The following SETDB1 variants were observed in gnomAD, a reference collection of about 807,000 sequenced individuals.
SETDB1 encodes the protein SET domain bifurcated histone lysine methyltransferase 1.
In SETDB1, 31 loss-of-function variants were observed where a neutral mutation model predicts 137.4. That is an observed-to-expected ratio of 0.23 (90% CI 0.17 to 0.30). SETDB1 has a LOEUF of 0.30. SETDB1 is among the 10% of genes least tolerant of loss of function. The probability of loss-of-function intolerance (pLI) is 1.00; values close to 1 mark genes in which losing one functional copy is unlikely to be tolerated. For synonymous variants in SETDB1, 548 were observed against 579.9 expected, an observed-to-expected ratio of 0.95 and a Z score of 0.79; for missense variants, 1,113 against 1,631.5, an observed-to-expected ratio of 0.68 and a Z score of 5.47.
chr1:150,933,743 ATTTTTCTTTTTC>A (rs538993878), intron 3 of SETDB1, among the ~76,000 whole-genome samples: 69,249 of 100,130 alleles, frequency 0.69, 26,987 homozygotes, highest in South Asian at 0.78. Flanking sequence ...CATTCTTCTG[ATTTTTCTTTTTC>A]TTTTTCTTTT....
At chr1:150,927,222 C>T (rs1391952688) in intron 1 of SETDB1, among the ~76,000 whole-genome samples, 1 of 152,172 alleles carries the variant, frequency 6.6e-6, no homozygotes, top group African/African-American at 2.4e-5. Context: ...TACTCCTGGG[C>T]TCAAGCGATC....
rs745471813 is a variant in SETDB1 at position 150,960,642 on chromosome 1, C to T, written c.2583C>T (p.Ile861=). Residue 861 remains isoleucine (I), a synonymous_variant, in exon 16 of 22, where the codon ATC becomes ATT. Transcript: ENST00000692827. The part of the protein sequence containing the change: ...GDEYFANLDH[I]ESVENFKEGY... The stretch of plus-strand genomic sequence containing the variant: ...AGTACTTTGCAAATCTGGACCATAT[C>T]GAGAGCGTGGAGAACTTCAAAGAAG... 4 of 1,613,914 alleles carry T rather than the reference C, an allele frequency of 2.5e-6. No homozygotes were observed. The highest frequency in any genetic ancestry group is 2.2e-5 in the East Asian group (1 of 44,878).
At chr1:150,964,175 CATATT>C in intron 21 of SETDB1, 67 bp from the exon 22 acceptor site, 1 of 1,522,118 alleles carries the variant, frequency 6.6e-7, no homozygotes, top group South Asian at 1.1e-5. Context: ...ACTCCACCTA[CATATT>C]CAGTAACCCC....
chr1:150,942,817 G>A (rs747192502), intron 6 of SETDB1, 35 bp from the exon 7 acceptor site: 1 of 1,604,504 alleles, frequency 6.2e-7, no homozygotes, highest in Non-Finnish European at 8.5e-7. Flanking sequence ...GAAACTGGCA[G>A]TGTTTAAAAA....
intron 16 of SETDB1, chr1:150,961,870 T>C: frequency 1.8e-6 from 1 of 548,926 alleles, no homozygotes; most frequent in East Asian, 2.8e-5. Context: ...TTACAGATGG[T>C]GAAACTGTCC....
intron 10 of SETDB1, among the ~76,000 whole-genome samples, chr1:150,947,872 A>G (rs1670375855): frequency 6.6e-6 from 1 of 152,118 alleles, no homozygotes; most frequent in Non-Finnish European, 1.5e-5. Flanking sequence ...TAAAGAATAT[A>G]TTTCTGAAAA....
At chr1:150,942,066 G>C (rs1450378775) in intron 5 of SETDB1, among the ~76,000 whole-genome samples, 4 of 151,032 alleles carry the variant, frequency 2.6e-5, no homozygotes, top group African/African-American at 7.3e-5. Context: ...CTTGAACCCG[G>C]AAGGTGAAGG....
chr1:150,933,368 C>CTTTTTTTTTTTTTTTTTTTTTTT (rs71090112), intron 3 of SETDB1, among the ~76,000 whole-genome samples: 3 of 118,886 alleles, frequency 2.5e-5, no homozygotes, highest in African/African-American at 9.5e-5. Context: ...CCTATTTTGT[C>CTTTTTTTTTTTTTTTTTTTTTTT]TTTTTTTTTT....
chr1:150,947,952 C>T lies in SETDB1; in HGVS notation c.1267+940C>T, dbSNP rs1156775607. Among the ~76,000 whole-genome samples, 3 of 151,894 alleles carry T rather than the reference C, an allele frequency of 2.0e-5. No homozygotes were observed. The East Asian group carries it at 5.8e-4, about 29-fold the overall frequency. ...GGAAGATATAAAGTCTTATCTAAGG[C>T]CCAGCATGGTGGCTCGTGTCTGTAG... is the stretch of plus-strand genomic sequence containing the variant. On this transcript the variant is annotated intron_variant, in intron 10 of 21. Transcript: ENST00000692827.
rs587594550 is a variant in SETDB1, at chr1:150,943,990, C to G, written c.946C>G (p.Pro316Ala). The G allele has an allele frequency of 1.3e-5, 21 of 1,606,648 alleles. No individual in the cohort carries two copies. The African/African-American group carries it at 2.5e-4, about 19-fold the overall frequency. The stretch of plus-strand genomic sequence containing the variant: ...GTCGGAACTGTATCCCATTTGCCGG[C>G]CACGTGAGTGTTTCTCCCTTATTCC... ...TQSELYPICR[P>A]LKKTWEDIED... The change falls in exon 8 of 22, where the codon CCA becomes GCA. Residue 316 changes from proline (P) to alanine (A), a missense_variant. Physicochemically the swap from Pro to Ala is conservative, Grantham distance 27 (BLOSUM62 -1). This residue lies in a region of SETDB1 where 154 missense variants were observed against 303.1 expected (regional missense o/e 0.51). Transcript: ENST00000692827.
At chr1:150,953,359 T>C (rs1390163013) in intron 14 of SETDB1, among the ~76,000 whole-genome samples, 6 of 151,652 alleles carry the variant, frequency 4.0e-5, no homozygotes, top group Non-Finnish European at 8.8e-5. Context: ...ACCCCATCTC[T>C]ACTAAAAATA....
chr1:150,926,534 T>G lies in SETDB1; in HGVS notation c.-12+17T>G. The G allele has an allele frequency of 5.7e-6, 2 of 353,690 alleles. No individual in the cohort carries two copies. Among genetic ancestry groups the G allele is most frequent in the Admixed American group, 4.0e-5 (1 of 24,846 alleles). The allele number at this position is 353,690 out of a possible 1,614,324, so 21.9% of individuals were successfully genotyped here. On this transcript the variant is annotated intron_variant, in intron 1 of 21. Coordinates refer to ENST00000692827, the MANE Select transcript of SETDB1 (RefSeq NM_001366418.1). ...AGACGGGAGGTGCGGGGAATACTGTTGAGTTATTTGGTGACCAAAGGCTTA... is the reference window on the plus strand; with the variant it reads ...AGACGGGAGGTGCGGGGAATACTGTGGAGTTATTTGGTGACCAAAGGCTTA...
At chr1:150,963,808 C>T (rs1427458259) in intron 20 of SETDB1, 67 bp downstream of exon 20, 2 of 1,471,474 alleles carry the variant, frequency 1.4e-6, no homozygotes, top group Non-Finnish European at 1.9e-6. Flanking sequence ...TTTTAACATA[C>T]TCTATAAGCC....
intron 14 of SETDB1, among the ~76,000 whole-genome samples, chr1:150,951,797 A>G (rs1670496271): frequency 1.3e-5 from 2 of 152,214 alleles, no homozygotes; most frequent in African/African-American, 2.4e-5. Context: ...AAATGTGTTC[A>G]GAGAGGAGAA....
Position 150,950,706 on chromosome 1 carries a change from G to A in SETDB1, c.1832G>A (p.Arg611Gln). Reference sequence around the variant, plus strand: ...GTCCCGTTACTATATGACTTCCGGCGGATGACAGCCCGGCGTCGAGTTAAC... The same window carrying A: ...GTCCCGTTACTATATGACTTCCGGCAGATGACAGCCCGGCGTCGAGTTAAC... ...LLVPLLYDFR[R>Q]MTARRRVNRK... Residue 611 changes from arginine (R) to glutamine (Q), a missense_variant, in exon 13 of 22, where the codon CGG becomes CAG. Arg to Gln is a conservative substitution (Grantham distance 43). Coordinates refer to ENST00000692827, the MANE Select transcript of SETDB1 (RefSeq NM_001366418.1). 6.2e-7 allele frequency: 1 copy of A among 1,614,198 alleles called. No homozygotes were observed. The highest frequency in any genetic ancestry group is 8.5e-7 in the Non-Finnish European group (1 of 1,180,044).
chr1:150,930,638 C>G (rs1669702326), intron 3 of SETDB1, among the ~76,000 whole-genome samples: 1 of 137,260 alleles, frequency 7.3e-6, no homozygotes, highest in Admixed American at 8.4e-5. Flanking sequence ...AAGCAATTCT[C>G]TGCTTCGACC....
chr1:150,941,318 C>A lies in SETDB1; in HGVS notation c.448-11C>A. 6.3e-7 allele frequency: 1 copy of A among 1,583,238 alleles called. No homozygotes were observed. Among genetic ancestry groups the A allele is most frequent in the Admixed American group, 1.7e-5 (1 of 59,512 alleles). On this transcript the variant is annotated splice_polypyrimidine_tract_variant and intron_variant, in intron 4 of 21. Transcript: ENST00000692827. The stretch of plus-strand genomic sequence containing the variant: ...TTTCAAAACTTGTTTTCCTCATCCC[C>A]TTTTCTACAGCTCCGTGAAGCTATG...
intron 8 of SETDB1, 107 bp downstream of exon 8, chr1:150,944,100 A>G (rs139420954): frequency 4.9e-6 from 4 of 817,766 alleles, no homozygotes; most frequent in Non-Finnish European, 8.6e-6. Context: ...TTCAGTCTCA[A>G]AGAGCATAAG....
chr1:150,956,368 AGAGT>A (rs1033440228), intron 14 of SETDB1, among the ~76,000 whole-genome samples: 1 of 150,058 alleles, frequency 6.7e-6, no homozygotes, highest in Non-Finnish European at 1.5e-5. Flanking sequence ...CCTAGGCAAT[AGAGT>A]GAGACTCCGC....
Sources: gnomAD v4.1 joint callset for allele counts (sites outside exome capture counted in the v4.1 genomes callset) on GRCh38, gnomAD v4.1.1 for gene constraint, gnomAD v4.1.1 regional missense constraint, MANE v1.5 for transcripts, NCBI Gene and HGNC (gene_info 2026-07-23, HGNC 2026-07-21) for gene names.